AAMDC: variants seen among roughly 807,000 people sequenced by gnomAD.
AAMDC encodes the protein adipogenesis associated Mth938 domain containing.
A neutral mutation model predicts 15.5 loss-of-function variants in AAMDC; 16 were observed. The ratio of observed to expected loss-of-function variants is 1.03; its 90% CI spans 0.70 to 1.57. The LOEUF (loss-of-function observed/expected upper bound fraction) is 1.57, where lower values mean the gene tolerates loss of function less well. Ranked by LOEUF, AAMDC falls within the 40% of genes most tolerant of loss-of-function variation. AAMDC has a pLI of 0.00. For synonymous variants in AAMDC, 51 were observed against 51.6 expected (o/e 0.99, Z 0.05); for missense variants, 141 against 144.9 (o/e 0.97, Z 0.14).
At chr11:77,865,003 C>G (rs1951045816) in intron 2 of AAMDC, among the ~76,000 whole-genome samples, 1 of 152,090 alleles carries the variant, frequency 6.6e-6, no homozygotes, top group Admixed American at 6.5e-5. Flanking sequence ...GACTGAATTA[C>G]TCTATTTCCA....
chr11:77,895,527 GAAAAAAAAAAA>G (rs71046921), intron 5 of AAMDC, among the ~76,000 whole-genome samples: 27 of 39,258 alleles, frequency 6.9e-4, no homozygotes, highest in South Asian at 2.9e-3. Context: ...TTCTTTTCCT[GAAAAAAAAAAA>G]AAAAAAAAAA....
chr11:77,831,087 G>T (rs1264548287), intron 1 of AAMDC, among the ~76,000 whole-genome samples: 1 of 151,694 alleles, frequency 6.6e-6, no homozygotes, highest in Non-Finnish European at 1.5e-5. Flanking sequence ...CGAGGCTTCA[G>T]TGAGCTGTAA....
At chr11:77,878,720 T>C (rs528482163) in intron 5 of AAMDC, 1 of 695,258 alleles carries the variant, frequency 1.4e-6, no homozygotes, top group East Asian at 2.7e-5. Flanking sequence ...CTAGAACAGC[T>C]TGGTGTTTTC....
intron 2 of AAMDC, among the ~76,000 whole-genome samples, chr11:77,863,686 G>C (rs908644713): frequency 6.6e-6 from 1 of 152,074 alleles, no homozygotes; most frequent in Admixed American, 6.5e-5. Flanking sequence ...ACCGCACCTG[G>C]CTGATTTTTT....
rs187259755 is a variant in AAMDC, at chr11:77,900,378, T to C, written c.329-193T>C. On this transcript the variant is annotated intron_variant, in intron 5 of 5. Transcript: ENST00000304716. The stretch of plus-strand genomic sequence containing the variant: ...CCTCCCAAAGTGCTGGGATTACAGG[T>C]GTGAGCCACCACACCCGGCCACATA... Among the ~76,000 whole-genome samples the C allele has an allele frequency of 8.0e-4, 122 of 152,284 alleles. 1 individual carries two copies. The highest frequency in any genetic ancestry group is 1.2e-3 in the East Asian group (6 of 5,184).
downstream of AAMDC, among the ~76,000 whole-genome samples, chr11:77,876,491 G>A (rs1951599068): frequency 6.6e-6 from 1 of 151,836 alleles, no homozygotes; most frequent in Non-Finnish European, 1.5e-5. Flanking sequence ...GAAAATTCAG[G>A]GTAAAAGCAA....
chr11:77,893,431 C>T (rs1043585682), intron 5 of AAMDC, among the ~76,000 whole-genome samples: 2 of 151,922 alleles, frequency 1.3e-5, no homozygotes, highest in South Asian at 2.1e-4. Context: ...CACAGCAAGA[C>T]CCCATCTCTA....
chr11:77,885,581 G>C (rs895764937), intron 5 of AAMDC, among the ~76,000 whole-genome samples: 4 of 152,018 alleles, frequency 2.6e-5, no homozygotes, highest in Non-Finnish European at 4.4e-5. Flanking sequence ...CACTTTGGGA[G>C]GCTGAGCCAG....
At chr11:77,825,745 G>C (rs1313350198) in intron 1 of AAMDC, among the ~76,000 whole-genome samples, 1 of 150,688 alleles carries the variant, frequency 6.6e-6, no homozygotes, top group African/African-American at 2.4e-5. Flanking sequence ...TGGCTGGAGT[G>C]CAGTGGCACG....
chr11:77,869,901 G>A, intron 3 of AAMDC, 84 bp downstream of exon 3: 1 of 1,334,912 alleles, frequency 7.5e-7, no homozygotes, highest in Admixed American at 1.7e-5. Context: ...TTCTTGGGAG[G>A]TCATCTTTAT....
intron 5 of AAMDC, among the ~76,000 whole-genome samples, chr11:77,881,466 C>T (rs547347670): frequency 1.3e-5 from 2 of 152,292 alleles, no homozygotes; most frequent in South Asian, 2.1e-4. Flanking sequence ...TGCCCCAAAC[C>T]GGAAGGGACA....
intron 5 of AAMDC, among the ~76,000 whole-genome samples, chr11:77,895,404 C>T (rs2136412388): frequency 6.6e-6 from 1 of 151,664 alleles, no homozygotes; most frequent in East Asian, 1.9e-4. Context: ...TATTCTTCAT[C>T]ATATATTTCC....
intron 3 of AAMDC, among the ~76,000 whole-genome samples, chr11:77,906,023 AAT>A (rs1156523341): frequency 6.6e-6 from 1 of 152,144 alleles, no homozygotes; most frequent in Non-Finnish European, 1.5e-5. Context: ...TTAAAAAATA[AAT>A]ATCTTTAAAT....
intron 2 of AAMDC, among the ~76,000 whole-genome samples, chr11:77,857,549 T>G (rs538052754): frequency 1.3e-5 from 2 of 152,302 alleles, no homozygotes; most frequent in East Asian, 3.8e-4. Flanking sequence ...AAGCCTTGGA[T>G]CCTATGACTC....
chr11:77,885,824 AAAAG>A (rs780499073), intron 5 of AAMDC, among the ~76,000 whole-genome samples: 42 of 152,074 alleles, frequency 2.8e-4, no homozygotes, highest in African/African-American at 8.4e-4. Context: ...TGTCTCAAAA[AAAAG>A]AAAGAAAGAA....
At chr11:77,884,809 C>T (rs914022155) in intron 5 of AAMDC, 1 of 408,998 alleles carries the variant, frequency 2.4e-6, no homozygotes, top group Non-Finnish European at 5.0e-6. Context: ...GGCTGGAGTG[C>T]AGTGGCACGA....
chr11:77,904,906 C>T (rs4482055), downstream of AAMDC, among the ~76,000 whole-genome samples: 1 of 152,034 alleles, frequency 6.6e-6, no homozygotes, highest in African/African-American at 2.4e-5. Context: ...TTAAATATGG[C>T]TTAAGGAGAT....
intron 5 of AAMDC, among the ~76,000 whole-genome samples, chr11:77,895,169 C>T (rs1952456768): frequency 1.3e-5 from 2 of 152,046 alleles, no homozygotes; most frequent in African/African-American, 2.4e-5. Context: ...CATGCTAGGT[C>T]AGTATGACTT....
intron 1 of AAMDC, among the ~76,000 whole-genome samples, chr11:77,822,003 A>G (rs1469752863): frequency 6.6e-6 from 1 of 152,198 alleles, no homozygotes; most frequent in Non-Finnish European, 1.5e-5. Context: ...GCCGTAGCAC[A>G]TAGTGAGTAC....
Sources: gnomAD v4.1 joint callset for allele counts (sites outside exome capture counted in the v4.1 genomes callset) on GRCh38, gnomAD v4.1.1 for gene constraint, MANE v1.5 for transcripts, NCBI Gene and HGNC (gene_info 2026-07-23, HGNC 2026-07-21) for gene names.